SNX1: variants seen among roughly 807,000 people sequenced by gnomAD.
The protein encoded by SNX1 is sorting nexin 1.
A neutral mutation model predicts 71.8 loss-of-function variants in SNX1; 36 were observed. The ratio of observed to expected loss-of-function variants is 0.50; its 90% CI spans 0.38 to 0.66. The LOEUF (loss-of-function observed/expected upper bound fraction) is 0.66, where lower values mean the gene tolerates loss of function less well. Among genes scored for constraint, SNX1 ranks in the 30% least tolerant of loss-of-function variants. The pLI is 0.00. For missense variants in SNX1, 612 were observed against 646.7 expected (o/e 0.95, Z 0.58); for synonymous variants, 254 against 240.7 (o/e 1.06, Z -0.51).
chr15:64,118,878 G>A (rs777545756), intron 4 of SNX1, 24 bp downstream of exon 4: 9 of 1,581,740 alleles, frequency 5.7e-6, no homozygotes, highest in Non-Finnish European at 6.9e-6. Context: ...AGGACTCCTT[G>A]TGATGTTAGG....
At position 64,139,294 on chromosome 15, in the gene SNX1, G is replaced by A. The variant is rs2140166173; in HGVS notation, c.*1676G>A. The A allele has an allele frequency of 7.0e-6, 1 of 142,388 alleles. No homozygotes were observed. Among genetic ancestry groups the A allele is most frequent in the African/African-American group, 2.6e-5 (1 of 37,750 alleles). The allele number at this position is 142,388 out of a possible 1,614,324, so 8.8% of individuals were successfully genotyped here. A position where few individuals can be genotyped will look rare whatever the true frequency, so the allele number is the denominator to read the frequency against. ...TGTGTAATTTGAAGGCATCCATAGG[G>A]TGACTGTACCATAATTTTGATTCAT... On this transcript the variant is annotated 3_prime_UTR_variant, in exon 15 of 15. Transcript: ENST00000559844.
intron 6 of SNX1, among the ~76,000 whole-genome samples, chr15:64,126,751 T>G (rs1033046376): frequency 1.3e-5 from 2 of 152,154 alleles, no homozygotes; most frequent in African/African-American, 4.8e-5. Context: ...AGCTAATTTT[T>G]GTATTTTTAG....
chr15:64,114,935 A>AT (rs1353118401), intron 2 of SNX1, among the ~76,000 whole-genome samples: 1 of 152,278 alleles, frequency 6.6e-6, no homozygotes, highest in Non-Finnish European at 1.5e-5. Flanking sequence ...TGAGCCCAGG[A>AT]TTTAAGACCA....
At position 64,130,417 on chromosome 15, in the gene SNX1, C is replaced by G. The variant is rs564041371; in HGVS notation, c.1015+96C>G. ...ATGCTGTTCCAATCCTCTCAGCCAT[C>G]CAAGTTGAAATTCTCAGCCCACCTG... On this transcript the variant is annotated intron_variant, in intron 10 of 14. Coordinates refer to ENST00000559844, the MANE Select transcript of SNX1 (RefSeq NM_003099.5). 417 of 1,032,128 alleles carry G rather than the reference C, an allele frequency of 4.0e-4. 5 individuals carry two copies. The South Asian group carries it at 5.3e-3, about 13-fold the overall frequency. 63.9% of individuals were successfully genotyped at this position (1,032,128 alleles called of 1,614,324 possible).
chr15:64,136,465 C>T lies in SNX1; in HGVS notation c.1446+55C>T, dbSNP rs2081361367. ...GCATGCAGTGCTTGTTTTGGGAGTA[C>T]TCTTGGTGTTGTCCAACTCTGTTGG... On this transcript the variant is annotated intron_variant, in intron 13 of 14. Transcript: ENST00000559844. 4.9e-6 allele frequency: 7 copies of T among 1,421,092 alleles called. No individual in the cohort carries two copies. The Middle Eastern group carries it at 7.0e-4, about 142-fold the overall frequency. 88.0% of individuals were successfully genotyped at this position (1,421,092 alleles called of 1,614,324 possible). A position where few individuals can be genotyped will look rare whatever the true frequency, so the allele number is the denominator to read the frequency against.
intron 1 of SNX1, among the ~76,000 whole-genome samples, chr15:64,098,473 C>T (rs1173537202): frequency 1.3e-5 from 2 of 152,140 alleles, no homozygotes; most frequent in East Asian, 1.9e-4. Flanking sequence ...GCAAGAGGAT[C>T]ACTTGAGGCC....
At chr15:64,119,257 A>G (rs1270948003) in intron 4 of SNX1, among the ~76,000 whole-genome samples, 1 of 152,066 alleles carries the variant, frequency 6.6e-6, no homozygotes, top group African/African-American at 2.4e-5. Context: ...CCGCCCAAGT[A>G]GCTGGGACTG....
intron 10 of SNX1, 141 bp downstream of exon 10, chr15:64,130,462 A>G (rs2140157055): frequency 1.5e-6 from 1 of 689,054 alleles, no homozygotes; most frequent in East Asian, 2.7e-5. Flanking sequence ...GTTCTGATAA[A>G]AAAAAGGTAT....
Position 64,096,022 on chromosome 15 carries a change from GGGT to G in SNX1, c.18_20del (p.Gly7del). The G allele has an allele frequency of 6.3e-7, 1 of 1,596,044 alleles. No homozygotes were observed. Among genetic ancestry groups the G allele is most frequent in the Non-Finnish European group, 8.5e-7 (1 of 1,175,228 alleles). ...GCCGCGGGTGGAAGAAGATGGCGTC[GGGT>G]GGTGGTGGCTGTAGCGCTTCGGAGA... On this transcript the variant is annotated inframe_deletion, in exon 1 of 15. Coordinates refer to ENST00000559844, the MANE Select transcript of SNX1 (RefSeq NM_003099.5).
chr15:64,132,297 G>C (rs2081315171), intron 11 of SNX1: 1 of 218,426 alleles, frequency 4.6e-6, no homozygotes, highest in Non-Finnish European at 9.3e-6. Flanking sequence ...TGGTGGCTTT[G>C]CCCTGGTTAA....
At chr15:64,099,690 T>G (rs1243260211) in intron 1 of SNX1, among the ~76,000 whole-genome samples, 1 of 152,206 alleles carries the variant, frequency 6.6e-6, no homozygotes. Flanking sequence ...TTTGATTAGC[T>G]AAAAGCATCA....
rs79706916 is a variant in SNX1 at position 64,121,415 on chromosome 15, GTCTC to G, written c.467-2086_467-2083del. Among the ~76,000 whole-genome samples, 113 of 152,242 alleles carry G rather than the reference GTCTC, an allele frequency of 7.4e-4. 4 individuals carry two copies. The East Asian group carries it at 0.012, about 17-fold the overall frequency. On this transcript the variant is annotated intron_variant, in intron 4 of 14. Coordinates refer to ENST00000559844, the MANE Select transcript of SNX1 (RefSeq NM_003099.5). ...CTCGGCTTGTCGATGCATCACTTCA[GTCTC>G]TGCCTTTGCTGTCATGTGGCATCCT...
At chr15:64,124,461 C>T (rs532347915) in intron 5 of SNX1, among the ~76,000 whole-genome samples, 19 of 147,626 alleles carry the variant, frequency 1.3e-4, no homozygotes, top group Middle Eastern at 3.5e-3. Flanking sequence ...GAGCCGAGAT[C>T]GCGCCACTGC....
intron 1 of SNX1, among the ~76,000 whole-genome samples, chr15:64,099,574 C>G (rs548279820): frequency 6.6e-6 from 1 of 152,304 alleles, no homozygotes; most frequent in East Asian, 1.9e-4. Context: ...ATCACTTGAG[C>G]CCAGGAGCTT....
intron 5 of SNX1, among the ~76,000 whole-genome samples, chr15:64,125,640 G>A (rs945860866): frequency 3.3e-5 from 5 of 151,846 alleles, no homozygotes; most frequent in African/African-American, 7.3e-5. Context: ...GTGAGATCCT[G>A]TCTCCAAAAA....
chr15:64,104,884 TAAAAAAAAAAA>T (rs35090758), intron 1 of SNX1, among the ~76,000 whole-genome samples: 2 of 125,632 alleles, frequency 1.6e-5, no homozygotes, highest in African/African-American at 6.0e-5. Flanking sequence ...GACTTGATCT[TAAAAAAAAAAA>T]AAAAAAAAGA....
chr15:64,108,713 C>T (rs2081047891), intron 1 of SNX1, among the ~76,000 whole-genome samples: 1 of 152,132 alleles, frequency 6.6e-6, no homozygotes, highest in South Asian at 2.1e-4. Flanking sequence ...AAGAGTTGGG[C>T]ACAGTGGCTC....
chr15:64,115,167 A>G (rs1406969195), intron 2 of SNX1, among the ~76,000 whole-genome samples: 1 of 152,216 alleles, frequency 6.6e-6, no homozygotes, highest in Admixed American at 6.5e-5. Flanking sequence ...ATTGGGTTTT[A>G]TACACATGAA....
chr15:64,098,656 C>T (rs2080926789), intron 1 of SNX1, among the ~76,000 whole-genome samples: 1 of 147,108 alleles, frequency 6.8e-6, no homozygotes, highest in Non-Finnish European at 1.5e-5. Context: ...TGCCACTGTG[C>T]TCCAGCCTAG....
Sources: allele counts gnomAD v4.1 joint callset (sites outside exome capture counted in the v4.1 genomes callset), GRCh38; gene constraint gnomAD v4.1.1; transcripts MANE v1.5; gene names NCBI Gene and HGNC (gene_info 2026-07-23, HGNC 2026-07-21).